The following IREB2 variants were observed in gnomAD, a reference collection of about 807,000 sequenced individuals.
IREB2 encodes iron responsive element binding protein 2.
Under a neutral mutation model 118.8 loss-of-function variants are expected in IREB2, and 39 were observed. The ratio of observed to expected loss-of-function variants is 0.33; its 90% CI spans 0.25 to 0.43. The LOEUF (loss-of-function observed/expected upper bound fraction) is 0.43. Among genes scored for constraint, IREB2 ranks in the 20% least tolerant of loss-of-function variants. The pLI is 1.00. For synonymous variants in IREB2, 372 were observed against 392.2 expected, an observed-to-expected ratio of 0.95 and a Z score of 0.61; for missense variants, 900 against 1,147.3, an observed-to-expected ratio of 0.78 and a Z score of 3.11.
intron 2 of IREB2, among the ~76,000 whole-genome samples, chr15:78,440,550 A>T (rs1190716490): frequency 5.9e-5 from 9 of 152,058 alleles, no homozygotes; most frequent in Non-Finnish European, 7.4e-5. Flanking sequence ...TATTTTTTGT[A>T]GAGTTGGGGT....
chr15:78,485,896 C>T, intron 13 of IREB2, 56 bp downstream of exon 13: 1 of 1,443,368 alleles, frequency 6.9e-7, no homozygotes, highest in Non-Finnish European at 9.5e-7. Context: ...GGTACTGAAG[C>T]TGCTTGTTTG....
In IREB2 at chr15:78,485,743, G is replaced by A. The variant is rs1429292737; in HGVS notation, c.1612G>A (p.Val538Ile). The change falls in exon 13 of 22, where the codon GTT (valine) becomes ATT (isoleucine). Residue 538 changes from valine to isoleucine, a missense_variant. Physicochemically the swap from Val to Ile is conservative, Grantham distance 29. Coordinates refer to ENST00000258886, the MANE Select transcript of IREB2 (RefSeq NM_004136.4). ...AKKAVEAGLR[V>I]KPYIRTSLSP... ...AAAGGCTGTTGAAGCTGGTCTGCGT[G>A]TTAAACCTTATATAAGAACAAGTTT... 6.2e-7 allele frequency: 1 copy of A among 1,614,054 alleles called. No individual in the cohort carries two copies. The highest frequency in any genetic ancestry group is 8.5e-7 in the Non-Finnish European group (1 of 1,179,942).
In IREB2 at chr15:78,492,036, T is replaced by G. The variant is rs142132543; in HGVS notation, c.2324+1275T>G. Among the ~76,000 whole-genome samples, 44 of 152,334 alleles carry G rather than the reference T, an allele frequency of 2.9e-4. 2 individuals are homozygous for G. In the East Asian group the frequency reaches 8.5e-3, roughly 29 times the overall value. ...AGCACATTTAATCCAGTAGTGCTCA[T>G]CAATTAGAATTTTCTAAAAATAAAG... On this transcript the variant is annotated intron_variant, in intron 18 of 21. Transcript: ENST00000258886.
intron 20 of IREB2, among the ~76,000 whole-genome samples, chr15:78,496,786 A>G (rs747331690): frequency 1.3e-5 from 2 of 152,132 alleles, no homozygotes; most frequent in Non-Finnish European, 2.9e-5. Flanking sequence ...TTGAAAACAT[A>G]TGTTAGATCT....
At chr15:78,462,604 G>A (rs2051215299) in intron 2 of IREB2, among the ~76,000 whole-genome samples, 2 of 151,814 alleles carry the variant, frequency 1.3e-5, no homozygotes, top group Admixed American at 6.6e-5. Flanking sequence ...CTTTTTTTTA[G>A]TTTTTCTGTG....
At chr15:78,483,593 A>G (rs779031579) in intron 11 of IREB2, among the ~76,000 whole-genome samples, 159 bp downstream of exon 11, 6 of 152,196 alleles carry the variant, frequency 3.9e-5, no homozygotes, top group Non-Finnish European at 8.8e-5. Flanking sequence ...TGTGCAAGTC[A>G]GTCATTAGGT....
upstream of IREB2, chr15:78,437,720 G>A (rs2050773752): frequency 6.5e-6 from 1 of 152,748 alleles, no homozygotes; most frequent in Non-Finnish European, 1.5e-5. Context: ...AGCTACCGGA[G>A]GGTAAGAAAA....
intron 3 of IREB2, among the ~76,000 whole-genome samples, chr15:78,463,427 C>T (rs1294830449): frequency 6.6e-6 from 1 of 152,080 alleles, no homozygotes; most frequent in African/African-American, 2.4e-5. Flanking sequence ...GGTGACAATG[C>T]AAGACCCTGT....
At chr15:78,496,118 G>A (rs1425010302) in intron 20 of IREB2, among the ~76,000 whole-genome samples, 4 of 152,102 alleles carry the variant, frequency 2.6e-5, no homozygotes, top group African/African-American at 9.7e-5. Context: ...GACCTTACTG[G>A]TATCACTCTC....
rs2051932099 is a variant in IREB2 at position 78,500,874 on chromosome 15, GTTGGTAATCAAACAACA to G, written c.*2732_*2748del. 1 of 152,122 alleles carries G rather than the reference GTTGGTAATCAAACAACA, an allele frequency of 6.6e-6. No individual in the cohort carries two copies. Among genetic ancestry groups the G allele is most frequent in the African/African-American group, 2.4e-5 (1 of 41,426 alleles). The allele number at this position is 152,122 out of a possible 1,614,324, so 9.4% of individuals were successfully genotyped here. ...CTCTAGCCAGATTGCTTAGTTTTTC[GTTGGTAATCAAACAACA>G]GTTGTACTAAAGGAAAGTAAAGCTA... On this transcript the variant is annotated 3_prime_UTR_variant, in exon 22 of 22. Coordinates refer to ENST00000258886, the MANE Select transcript of IREB2 (RefSeq NM_004136.4).
At chr15:78,438,008 C>G (rs2050778419), upstream of IREB2, among the ~76,000 whole-genome samples, 1 of 152,254 alleles carries the variant, frequency 6.6e-6, no homozygotes, top group African/African-American at 2.4e-5. Flanking sequence ...GAAGGCCAAA[C>G]TAGCCACGCC....
intron 1 of IREB2, 141 bp downstream of exon 1, chr15:78,438,497 G>T (rs2050790750): frequency 2.2e-6 from 2 of 903,964 alleles, no homozygotes; most frequent in African/African-American, 1.7e-5. Flanking sequence ...CTCGGGGCCT[G>T]CCTGCTGGGC....
intron 7 of IREB2, 99 bp from the exon 8 acceptor site, chr15:78,473,143 G>A (rs1406889307): frequency 2.6e-6 from 3 of 1,158,784 alleles, no homozygotes; most frequent in Non-Finnish European, 3.8e-6. Flanking sequence ...GCAAAGTACT[G>A]TGTAAGATAA....
intron 1 of IREB2, 172 bp downstream of exon 1, chr15:78,438,528 C>G (rs889128821): frequency 2.9e-6 from 2 of 700,072 alleles, no homozygotes; most frequent in South Asian, 1.8e-5. Context: ...GCCTAGGCCG[C>G]GGAAGCTGGG....
chr15:78,468,232 C>T lies in IREB2; in HGVS notation c.629+1743C>T, dbSNP rs79306272. Among the ~76,000 whole-genome samples, 74 of 152,160 alleles carry T rather than the reference C, an allele frequency of 4.9e-4. 2 individuals carry two copies. In the East Asian group the frequency reaches 0.014, roughly 29 times the overall value. ...ATTCATGTAAAATATAACAATTTAT[C>T]CCATTGTTAGTAAACTGTCTTTTTT... On this transcript the variant is annotated intron_variant, in intron 5 of 21. Transcript: ENST00000258886.
intron 10 of IREB2, chr15:78,479,936 A>T (rs1344703827): frequency 6.6e-6 from 1 of 151,452 alleles, no homozygotes; most frequent in Middle Eastern, 3.2e-3. Context: ...AAAAAAAAAA[A>T]TCTGTTGGAA....
intron 5 of IREB2, among the ~76,000 whole-genome samples, chr15:78,470,183 G>C (rs779238677): frequency 1.3e-5 from 2 of 152,186 alleles, no homozygotes; most frequent in Non-Finnish European, 2.9e-5. Flanking sequence ...CAGGTGGGGA[G>C]GAAAGTACAT....
chr15:78,487,853 T>G (rs764423777), intron 14 of IREB2, 36 bp downstream of exon 14: 1 of 1,232,314 alleles, frequency 8.1e-7, no homozygotes, highest in African/African-American at 1.5e-5. Flanking sequence ...TCTAAATGAT[T>G]TTCTTAACTA....
At chr15:78,479,728 T>G (rs11072767) in intron 10 of IREB2, among the ~76,000 whole-genome samples, 146,781 of 152,200 alleles carry the variant, frequency 0.96, 70,962 homozygotes, top group East Asian at 1. Context: ...GCAGTCTTAC[T>G]TGTTAGTTTT....
Sources: gnomAD v4.1 joint callset for allele counts (sites outside exome capture counted in the v4.1 genomes callset) on GRCh38, gnomAD v4.1.1 for gene constraint, MANE v1.5 for transcripts, NCBI Gene and HGNC (gene_info 2026-07-23, HGNC 2026-07-21) for gene names.